Variants in ROBO2 observed in about 807,000 individuals in gnomAD.
ROBO2 encodes the protein roundabout homolog 2.
Under a neutral mutation model 160.8 loss-of-function variants are expected in ROBO2, and 53 were observed. The observed-to-expected ratio is 0.33, with a 90% CI of 0.26 to 0.41. ROBO2 has a LOEUF of 0.41. ROBO2 is among the 10% of genes least tolerant of loss of function. The pLI, the probability that ROBO2 is intolerant of heterozygous loss-of-function variation, is 1.00. For synonymous variants in ROBO2, 664 were observed against 611.7 expected (o/e 1.09, Z -1.26); for missense variants, 1,577 against 1,722.4 (o/e 0.92, Z 1.49).
chr3:76,300,158 T>C (rs1709284982), intron 2 of ROBO2, among the ~76,000 whole-genome samples: 1 of 152,086 alleles, frequency 6.6e-6, no homozygotes, highest in South Asian at 2.1e-4. Flanking sequence ...TCATGGGCTG[T>C]GGGAAAGAAT....
At chr3:76,818,463 A>T (rs2065872256) in intron 2 of ROBO2, among the ~76,000 whole-genome samples, 1 of 151,690 alleles carries the variant, frequency 6.6e-6, no homozygotes, top group African/African-American at 2.4e-5. Flanking sequence ...TACTCTGCTG[A>T]TTGTTTCTAT....
At chr3:77,376,145 T>G (rs891067945) in intron 2 of ROBO2, among the ~76,000 whole-genome samples, 1 of 136,410 alleles carries the variant, frequency 7.3e-6, no homozygotes, top group African/African-American at 2.8e-5. Context: ...ACAATAGGCA[T>G]TTAACTTTCT....
At chr3:77,258,307 A>G (rs757661664) in intron 2 of ROBO2, among the ~76,000 whole-genome samples, 4 of 152,362 alleles carry the variant, frequency 2.6e-5, no homozygotes, top group Middle Eastern at 3.4e-3. Context: ...TAATGAGAAA[A>G]TATACTAAAT....
intron 2 of ROBO2, among the ~76,000 whole-genome samples, chr3:76,707,171 A>G (rs187881): frequency 0.49 from 74,697 of 151,786 alleles, 18,651 homozygotes; most frequent in Non-Finnish European, 0.53. Context: ...CCAGAAGAGC[A>G]TTACTCTTGC....
At chr3:76,570,158 A>G (rs3901463) in intron 2 of ROBO2, among the ~76,000 whole-genome samples, 66,750 of 151,868 alleles carry the variant, frequency 0.44, 15,528 homozygotes, top group African/African-American at 0.59. Flanking sequence ...AAAGATTCTA[A>G]TAAGCACTCA....
At chr3:76,335,547 T>TA (rs2073824418) in intron 2 of ROBO2, among the ~76,000 whole-genome samples, 1 of 151,572 alleles carries the variant, frequency 6.6e-6, no homozygotes, top group Non-Finnish European at 1.5e-5. Context: ...ATTTTAATTA[T>TA]AAAAAATATA....
At chr3:76,091,743 T>C (rs1462502308) in intron 2 of ROBO2, among the ~76,000 whole-genome samples, 1 of 152,192 alleles carries the variant, frequency 6.6e-6, no homozygotes, top group African/African-American at 2.4e-5. Context: ...TATTACTCGA[T>C]ATTTTGAAAA....
chr3:77,108,322 A>T (rs1232279453), intron 2 of ROBO2, among the ~76,000 whole-genome samples: 1 of 144,616 alleles, frequency 6.9e-6, no homozygotes, highest in Non-Finnish European at 1.5e-5. Flanking sequence ...GTATACACAT[A>T]TGCATATATA....
At chr3:77,501,104 T>C (rs1173399718) in intron 5 of ROBO2, among the ~76,000 whole-genome samples, 1 of 152,118 alleles carries the variant, frequency 6.6e-6, no homozygotes, top group Non-Finnish European at 1.5e-5. Context: ...GTTTCTTCCA[T>C]CAAAGTGTGG....
At chr3:76,229,117 A>G (rs892261448) in intron 2 of ROBO2, among the ~76,000 whole-genome samples, 1 of 152,182 alleles carries the variant, frequency 6.6e-6, no homozygotes, top group African/African-American at 2.4e-5. Flanking sequence ...TTTGGAAAGA[A>G]AACCCACTGC....
rs568864490 is a variant in ROBO2 at position 76,223,291 on chromosome 3, C to T, written c.109+285689C>T. On this transcript the variant is annotated intron_variant, in intron 2 of 26. Transcript: ENST00000487694. ...CAGCATTATTTTATATTCCAACTGC[C>T]TCAGGAGAGGCCATTACTGTTTCCT... is the stretch of plus-strand genomic sequence containing the variant. 2.0e-5 allele frequency among the ~76,000 whole-genome samples: 3 copies of T among 151,904 alleles called. No individual in the cohort carries two copies. In the South Asian group the frequency reaches 6.3e-4, roughly 32 times the overall value.
intron 2 of ROBO2, among the ~76,000 whole-genome samples, chr3:76,926,528 T>C (rs1179019754): frequency 6.6e-6 from 1 of 152,252 alleles, no homozygotes; most frequent in Non-Finnish European, 1.5e-5. Context: ...GTGGCCTCGC[T>C]GTACGTTTTA....
Position 77,428,337 on chromosome 3 carries a change from A to ATTTTTTTTT in ROBO2, c.389-49076_389-49075insTTTTTTTTT, listed in dbSNP as rs1491236295. On this transcript the variant is annotated intron_variant, in intron 2 of 25. Transcript: ENST00000461745. ...AGGCATTCACAGCAAAACTTAGGTA[A>ATTTTTTTTT]TATTTTTTTTTTTTTTTTTTTTTTT... Among the ~76,000 whole-genome samples the ATTTTTTTTT allele has an allele frequency of 1.0e-4, 13 of 128,292 alleles. 1 individual carries two copies. The highest frequency in any genetic ancestry group is 2.6e-4 in the South Asian group (1 of 3,880). The allele number at this position is 128,292 out of a possible 152,430, so 84.2% of individuals were successfully genotyped here. A position where few individuals can be genotyped will look rare whatever the true frequency, so the allele number is the denominator to read the frequency against.
intron 2 of ROBO2, among the ~76,000 whole-genome samples, chr3:76,867,669 T>C (rs911155804): frequency 6.6e-6 from 1 of 152,184 alleles, no homozygotes; most frequent in African/African-American, 2.4e-5. Flanking sequence ...ACTTAAACTG[T>C]TACAAATTAG....
intron 2 of ROBO2, among the ~76,000 whole-genome samples, chr3:77,262,982 T>C (rs1482086304): frequency 6.6e-6 from 1 of 152,216 alleles, no homozygotes; most frequent in Non-Finnish European, 1.5e-5. Flanking sequence ...CAGTTTATTT[T>C]ACATCTGAGA....
intron 2 of ROBO2, among the ~76,000 whole-genome samples, chr3:76,650,149 A>G (rs2091184649): frequency 1.3e-5 from 2 of 152,190 alleles, no homozygotes; most frequent in Admixed American, 6.5e-5. Flanking sequence ...CAAAAACTAA[A>G]ACAAAATAAA....
chr3:76,024,890 C>G (rs2066687942), intron 2 of ROBO2, among the ~76,000 whole-genome samples: 1 of 150,946 alleles, frequency 6.6e-6, no homozygotes, highest in African/African-American at 2.4e-5. Context: ...CAGTGACAAA[C>G]TCACCTTTCT....
chr3:77,332,199 A>C (rs1430517796), intron 2 of ROBO2, among the ~76,000 whole-genome samples: 4 of 152,172 alleles, frequency 2.6e-5, no homozygotes, highest in Non-Finnish European at 5.9e-5. Flanking sequence ...TCTATTGCCT[A>C]ATACTTTCAA....
At chr3:77,098,854 TCAAAAAAA>T (rs907241192) in intron 2 of ROBO2, among the ~76,000 whole-genome samples, 12 of 143,022 alleles carry the variant, frequency 8.4e-5, no homozygotes, top group Admixed American at 2.7e-4. Flanking sequence ...AGACTCCGTC[TCAAAAAAA>T]CAAACAAACA....
Sources: gnomAD v4.1 joint callset for allele counts (sites outside exome capture counted in the v4.1 genomes callset) on GRCh38, gnomAD v4.1.1 for gene constraint, MANE v1.5 for transcripts, NCBI Gene and HGNC (gene_info 2026-07-23, HGNC 2026-07-21) for gene names.